MYO1F: variants seen among roughly 807,000 people sequenced by gnomAD.
The protein encoded by MYO1F is unconventional myosin-If.
Under a neutral mutation model 146.6 loss-of-function variants are expected in MYO1F, and 60 were observed. That is an observed-to-expected ratio of 0.41 (90% confidence interval 0.33 to 0.51). The LOEUF (loss-of-function observed/expected upper bound fraction) is 0.51. Ranked by LOEUF, MYO1F falls within the 20% of genes least tolerant of loss-of-function variation. The probability of loss-of-function intolerance (pLI) is 0.25; values close to 1 mark genes in which losing one functional copy is unlikely to be tolerated. For missense variants in MYO1F, 1,274 were observed against 1,534.3 expected (o/e 0.83, Z 2.83); for synonymous variants, 602 against 602.1 (o/e 1.00, Z 0.00).
chr19:8,548,636 T>C (rs942399198), intron 10 of MYO1F, among the ~76,000 whole-genome samples: 4 of 151,132 alleles, frequency 2.6e-5, no homozygotes, highest in African/African-American at 9.8e-5. Context: ...AGTCTCACTC[T>C]GTCGCCCAGG....
At chr19:8,568,438 A>ACAAAAAC (rs60042889) in intron 1 of MYO1F, among the ~76,000 whole-genome samples, 4 of 149,404 alleles carry the variant, frequency 2.7e-5, no homozygotes, top group African/African-American at 7.3e-5. Flanking sequence ...AAAAAAAAAA[A>ACAAAAAC]AAAAAAATTA....
chr19:8,574,530 C>CCTTTCTTT lies in MYO1F; in HGVS notation c.3+2769_3+2776dup, dbSNP rs1183292416. 2.5e-3 allele frequency among the ~76,000 whole-genome samples: 301 copies of CCTTTCTTT among 119,016 alleles called. 1 individual carries two copies. Among genetic ancestry groups the CCTTTCTTT allele is most frequent in the Middle Eastern group, 4.1e-3 (1 of 246 alleles). 78.1% of individuals were successfully genotyped at this position (119,016 alleles called of 152,430 possible). A position where few individuals can be genotyped will look rare whatever the true frequency, so the allele number is the denominator to read the frequency against. ...CTTTTCCTTTATTTCTTCTTTTTTC[C>CCTTTCTTT]CTTTCTTTCTTTCTTTCTTTCTTTC... On this transcript the variant is annotated intron_variant, in intron 1 of 27. Coordinates refer to ENST00000644032, the MANE Select transcript of MYO1F (RefSeq NM_012335.4).
intron 1 of MYO1F, among the ~76,000 whole-genome samples, chr19:8,570,559 G>T (rs915709210): frequency 6.6e-6 from 1 of 151,738 alleles, no homozygotes. Flanking sequence ...TAGAGACAGG[G>T]TTTCACCACG....
At chr19:8,560,293 G>C (rs1366068071) in intron 1 of MYO1F, among the ~76,000 whole-genome samples, 1 of 151,710 alleles carries the variant, frequency 6.6e-6, no homozygotes, top group Non-Finnish European at 1.5e-5. Flanking sequence ...GACCATCCTG[G>C]CTAACATGGT....
At chr19:8,535,612 A>T (rs1228902332) in intron 19 of MYO1F, among the ~76,000 whole-genome samples, 1 of 150,952 alleles carries the variant, frequency 6.6e-6, no homozygotes, top group Non-Finnish European at 1.5e-5. Flanking sequence ...CTATGTCAAA[A>T]TTTTTGGTCT....
chr19:8,541,532 G>C (rs753728250), intron 15 of MYO1F, among the ~76,000 whole-genome samples: 3 of 149,854 alleles, frequency 2.0e-5, no homozygotes, highest in Non-Finnish European at 4.4e-5. Flanking sequence ...GGGTTCAAGA[G>C]ATTCTTATGC....
intron 19 of MYO1F, among the ~76,000 whole-genome samples, chr19:8,532,104 TGA>T (rs151202130): frequency 0.018 from 2,662 of 149,942 alleles, 33 homozygotes; most frequent in African/African-American, 0.038. Flanking sequence ...GGCGACAGAG[TGA>T]GACTCAGTCC....
chr19:8,534,739 C>T (rs1461699726), intron 19 of MYO1F, among the ~76,000 whole-genome samples: 1 of 151,804 alleles, frequency 6.6e-6, no homozygotes, highest in Non-Finnish European at 1.5e-5. Context: ...GATTCTCCTG[C>T]CTCAGCCTCC....
intron 1 of MYO1F, among the ~76,000 whole-genome samples, chr19:8,574,468 T>C (rs1568380413): frequency 6.6e-6 from 1 of 152,228 alleles, no homozygotes; most frequent in Non-Finnish European, 1.5e-5. Context: ...AATTTTTCCA[T>C]GGACCATGGA....
chr19:8,542,142 G>C, intron 14 of MYO1F, 151 bp from the exon 15 acceptor site: 1 of 649,680 alleles, frequency 1.5e-6, no homozygotes, highest in Non-Finnish European at 2.8e-6. Flanking sequence ...TGGCTGGGGG[G>C]TATCTACAGT....
intron 1 of MYO1F, among the ~76,000 whole-genome samples, chr19:8,556,091 T>C (rs961530287): frequency 6.6e-6 from 1 of 151,626 alleles, no homozygotes; most frequent in Non-Finnish European, 1.5e-5. Flanking sequence ...TGCAGTGGCG[T>C]GATCTCTGCT....
rs1214962046 is a variant in MYO1F, at chr19:8,530,461, TC to T, written c.2155del (p.Glu719LysfsTer7). On this transcript the variant is annotated frameshift_variant, in exon 20 of 28. Coordinates refer to ENST00000644032, the MANE Select transcript of MYO1F (RefSeq NM_012335.4). LOFTEE classifies it high-confidence loss of function. This position sits in a 1 kb window ranked among gnomAD's most constrained non-coding sequence, Gnocchi z 5.8. ...AVRKYEEMRE[E>X]ASNILLNKKE... is the part of the protein sequence containing the mutation. ...GCCGTTTACCCGAAGCCTCTCACCTTCCTCCCGCATCTCCTCGTACTTCCGG... is the reference window on the plus strand; with the variant it reads ...GCCGTTTACCCGAAGCCTCTCACCTTCTCCCGCATCTCCTCGTACTTCCGG... 6.2e-7 allele frequency: 1 copy of T among 1,613,702 alleles called. No homozygotes were observed. The highest frequency in any genetic ancestry group is 8.5e-7 in the Non-Finnish European group (1 of 1,180,006).
chr19:8,537,739 A>AT (rs1218147758), intron 16 of MYO1F, among the ~76,000 whole-genome samples: 1 of 151,376 alleles, frequency 6.6e-6, no homozygotes, highest in Non-Finnish European at 1.5e-5. Context: ...TGGCTGGGTG[A>AT]TTTTTTTTGA....
At chr19:8,544,525 C>G (rs913628711) in intron 13 of MYO1F, 61 bp from the exon 14 acceptor site, 2 of 1,391,632 alleles carry the variant, frequency 1.4e-6, no homozygotes, top group Non-Finnish European at 1.9e-6. Context: ...CCCCACAGCT[C>G]GTCAGTGCAG....
intron 16 of MYO1F, among the ~76,000 whole-genome samples, chr19:8,538,199 C>T (rs1470230821): frequency 6.6e-6 from 1 of 150,706 alleles, no homozygotes; most frequent in Non-Finnish European, 1.5e-5. Flanking sequence ...CTCCTGACCT[C>T]AGGTGATCCA....
At chr19:8,525,032 T>C (rs374772610) in intron 25 of MYO1F, among the ~76,000 whole-genome samples, 9 of 151,910 alleles carry the variant, frequency 5.9e-5, no homozygotes, top group Admixed American at 2.0e-4. Flanking sequence ...ACCCTGTCTC[T>C]ACTAAAACGA....
intron 19 of MYO1F, among the ~76,000 whole-genome samples, chr19:8,531,352 A>C (rs1972479455): frequency 6.6e-6 from 1 of 152,152 alleles, no homozygotes; most frequent in Admixed American, 6.5e-5. Context: ...CATCTCAAAA[A>C]AAGAAAAAAA....
chr19:8,546,143 C>CA (rs1285334969), intron 12 of MYO1F, among the ~76,000 whole-genome samples: 1 of 148,144 alleles, frequency 6.8e-6, no homozygotes, highest in Non-Finnish European at 1.5e-5. Flanking sequence ...TGGCTCATCG[C>CA]AACCTCCGCC....
At chr19:8,543,897 CTGGTGGTGGTGGTGGTGGTGG>C (rs1203381495) in intron 14 of MYO1F, among the ~76,000 whole-genome samples, 4 of 11,096 alleles carry the variant, frequency 3.6e-4, no homozygotes, top group African/African-American at 6.0e-4. Context: ...GGTGGTGGTG[CTGGTGGTGGTGGTGGTGGTGG>C]TGGTGGTGGT....
Sources: allele counts gnomAD v4.1 joint callset (sites outside exome capture counted in the v4.1 genomes callset), GRCh38; gene constraint gnomAD v4.1.1; non-coding constraint Gnocchi (gnomAD v3.1); transcripts MANE v1.5; gene names NCBI Gene and HGNC (gene_info 2026-07-23, HGNC 2026-07-21).